Variants in DLG1 observed in about 807,000 individuals in gnomAD.
DLG1 encodes the protein disks large homolog 1.
A neutral mutation model predicts 123.4 loss-of-function variants in DLG1; 42 were observed. The ratio of observed to expected loss-of-function variants is 0.34; its 90% CI spans 0.27 to 0.44. The LOEUF (loss-of-function observed/expected upper bound fraction) is 0.44, where lower values mean the gene tolerates loss of function less well. Among genes scored for constraint, DLG1 ranks in the 20% least tolerant of loss-of-function variants. DLG1 has a pLI of 1.00. For synonymous variants in DLG1, 317 were observed against 356.2 expected (o/e 0.89, Z 1.24); for missense variants, 942 against 1,082.6 (o/e 0.87, Z 1.82).
intron 11 of DLG1, among the ~76,000 whole-genome samples, chr3:197,119,777 C>G (rs1240065987): frequency 6.6e-6 from 1 of 152,052 alleles, no homozygotes; most frequent in Admixed American, 6.6e-5. Flanking sequence ...GCCACCACAC[C>G]CAGATTACTT....
chr3:197,173,689 G>A lies in DLG1; in HGVS notation c.483+20736C>T, dbSNP rs116342111. The stretch of plus-strand genomic sequence containing the variant: ...GGGGTTAGCAAACATTTTTGGAAAT[G>A]ACAAAAAAAGAAGCGTTATGGACCA... On this transcript the variant is annotated intron_variant, in intron 5 of 24. Coordinates refer to ENST00000667157, the MANE Select transcript of DLG1 (RefSeq NM_001366207.1). Among the ~76,000 whole-genome samples the A allele has an allele frequency of 8.5e-3, 1,286 of 152,136 alleles. 18 individuals carry two copies. Among genetic ancestry groups the A allele is most frequent in the African/African-American group, 0.029 (1,218 of 41,530 alleles).
chr3:197,255,687 T>C (rs1338913790), intron 4 of DLG1, among the ~76,000 whole-genome samples: 1 of 151,914 alleles, frequency 6.6e-6, no homozygotes, highest in Non-Finnish European at 1.5e-5. Flanking sequence ...GTAACACAGA[T>C]ACTGAGTAAA....
At chr3:197,133,596 T>C (rs927956253) in intron 10 of DLG1, among the ~76,000 whole-genome samples, 2 of 152,230 alleles carry the variant, frequency 1.3e-5, no homozygotes, top group African/African-American at 4.8e-5. Flanking sequence ...CCCAAAGTTT[T>C]ACGCCAGAGA....
At chr3:197,292,183 C>T (rs1447276618) in intron 3 of DLG1, among the ~76,000 whole-genome samples, 2 of 152,174 alleles carry the variant, frequency 1.3e-5, no homozygotes, top group African/African-American at 4.8e-5. Flanking sequence ...TTCCTAACAG[C>T]ATTATTCACA....
At chr3:197,190,398 G>A (rs924657616) in intron 5 of DLG1, among the ~76,000 whole-genome samples, 21 of 152,106 alleles carry the variant, frequency 1.4e-4, no homozygotes, top group African/African-American at 4.8e-4. Flanking sequence ...AGTCAGCTAT[G>A]CACTTACAGG....
chr3:197,212,562 T>C (rs1731822972), intron 4 of DLG1, among the ~76,000 whole-genome samples: 1 of 152,248 alleles, frequency 6.6e-6, no homozygotes, highest in Non-Finnish European at 1.5e-5. Context: ...CCGCACTCCT[T>C]GGCTTACAGA....
At chr3:197,111,715 TTC>T (rs1300721060) in intron 13 of DLG1, among the ~76,000 whole-genome samples, 1 of 152,230 alleles carries the variant, frequency 6.6e-6, no homozygotes. Context: ...GGCAACCACT[TTC>T]TGACTTACAG....
intron 8 of DLG1, among the ~76,000 whole-genome samples, chr3:197,139,496 G>T (rs6583197): frequency 0.75 from 113,255 of 152,000 alleles, 42,295 homozygotes; most frequent in East Asian, 0.82. Context: ...CAGGGTATTT[G>T]AACAACAAAC....
chr3:197,187,003 AC>A (rs1716467956), intron 5 of DLG1, among the ~76,000 whole-genome samples: 1 of 152,242 alleles, frequency 6.6e-6, no homozygotes, highest in African/African-American at 2.4e-5. Flanking sequence ...ATGCAATATA[AC>A]AGGCATTTTT....
chr3:197,057,082 TG>T (rs1341193057), intron 23 of DLG1, among the ~76,000 whole-genome samples: 2 of 134,332 alleles, frequency 1.5e-5, no homozygotes, highest in Non-Finnish European at 3.2e-5. Context: ...ACTGACTCTT[TG>T]TTTTTTTTTA....
intron 19 of DLG1, among the ~76,000 whole-genome samples, chr3:197,068,987 T>C (rs1444457653): frequency 2.0e-5 from 3 of 147,778 alleles, no homozygotes; most frequent in African/African-American, 2.5e-5. Context: ...CATATACATA[T>C]GTATCATGTA....
chr3:197,048,257 G>C (rs931761758), intron 24 of DLG1, among the ~76,000 whole-genome samples: 1 of 152,196 alleles, frequency 6.6e-6, no homozygotes, highest in Non-Finnish European at 1.5e-5. Context: ...GATCACTTGA[G>C]GCCAGGAGTT....
intron 4 of DLG1, among the ~76,000 whole-genome samples, chr3:197,205,750 A>C (rs1728186201): frequency 6.6e-6 from 1 of 152,240 alleles, no homozygotes; most frequent in Non-Finnish European, 1.5e-5. Flanking sequence ...GGCTTAAAAC[A>C]ACCCACATTT....
chr3:197,297,418 T>C, intron 1 of DLG1, 183 bp from the exon 2 acceptor site: 2 of 1,418,582 alleles, frequency 1.4e-6, no homozygotes, highest in South Asian at 1.5e-5. Context: ...TTCCTTGGAG[T>C]GGGTACCCCT....
chr3:197,181,084 G>A lies in DLG1; in HGVS notation c.483+13341C>T, dbSNP rs559935007. Among the ~76,000 whole-genome samples the A allele has an allele frequency of 2.6e-5, 4 of 152,208 alleles. No individual in the cohort carries two copies. The South Asian group carries it at 8.3e-4, about 32-fold the overall frequency. On this transcript the variant is annotated intron_variant, in intron 5 of 24. Coordinates refer to ENST00000667157, the MANE Select transcript of DLG1 (RefSeq NM_001366207.1). ...GGCACATAATCTTAGTTATGAACAT[G>A]AATACCTCCAGCAGACAAGCAATTT...
intron 7 of DLG1, among the ~76,000 whole-genome samples, chr3:197,141,889 T>G (rs1788225447): frequency 6.6e-6 from 1 of 152,154 alleles, no homozygotes; most frequent in Admixed American, 6.6e-5. Flanking sequence ...GTATTTTTAG[T>G]AGAGACGGAG....
intron 5 of DLG1, among the ~76,000 whole-genome samples, chr3:197,177,060 T>A (rs1248020856): frequency 6.6e-6 from 1 of 152,114 alleles, no homozygotes; most frequent in African/African-American, 2.4e-5. Flanking sequence ...AGTCAGTACA[T>A]GTAGGTGCAC....
At chr3:197,143,228 A>G (rs1788933377) in intron 6 of DLG1, among the ~76,000 whole-genome samples, 1 of 151,652 alleles carries the variant, frequency 6.6e-6, no homozygotes. Flanking sequence ...CACTGCCCAA[A>G]TCACTGTTTT....
At chr3:197,075,760 A>G (rs1320463718) in intron 18 of DLG1, 4 of 1,325,344 alleles carry the variant, frequency 3.0e-6, no homozygotes, top group Non-Finnish European at 4.3e-6. Context: ...ACTACCATGA[A>G]TCTCAAAATG....
Sources: allele counts gnomAD v4.1 joint callset (sites outside exome capture counted in the v4.1 genomes callset), GRCh38; gene constraint gnomAD v4.1.1; transcripts MANE v1.5; gene names NCBI Gene and HGNC (gene_info 2026-07-23, HGNC 2026-07-21).